Variants in SCN11A observed in about 807,000 individuals in gnomAD.
SCN11A encodes the protein sodium voltage-gated channel alpha subunit 11, also known as sodium channel protein type 11 subunit alpha.
Under a neutral mutation model 162.2 loss-of-function variants are expected in SCN11A, and 122 were observed. That is an observed-to-expected ratio of 0.75 (90% CI 0.65 to 0.87). SCN11A has a LOEUF of 0.87. Ranked by LOEUF, SCN11A falls within the 40% of genes least tolerant of loss-of-function variation. The probability of loss-of-function intolerance (pLI) is 0.00; values close to 1 mark genes in which losing one functional copy is unlikely to be tolerated. For missense variants in SCN11A, 2,015 were observed against 2,181.6 expected (o/e 0.92, Z 1.52); for synonymous variants, 758 against 751.5 (o/e 1.01, Z -0.14).
intron 2 of SCN11A, among the ~76,000 whole-genome samples, chr3:39,031,921 TAACC>T (rs1411472173): frequency 6.6e-6 from 1 of 152,180 alleles, no homozygotes; most frequent in African/African-American, 2.4e-5. Context: ...CATCCTGCTT[TAACC>T]AACTGATAGA....
chr3:39,023,432 A>G (rs1299977726), intron 2 of SCN11A, among the ~76,000 whole-genome samples: 1 of 151,928 alleles, frequency 6.6e-6, no homozygotes, highest in African/African-American at 2.4e-5. Context: ...TCCTTCCATG[A>G]CTTTTATATT....
intron 1 of SCN11A, among the ~76,000 whole-genome samples, chr3:39,039,730 T>C (rs1450038784): frequency 1.3e-5 from 2 of 152,002 alleles, no homozygotes; most frequent in African/African-American, 4.8e-5. Context: ...TCCCCTCCAG[T>C]GATGAGGCTG....
At position 39,025,939 on chromosome 3, in the gene SCN11A, A is replaced by AT. The variant is rs1452509185; in HGVS notation, c.-280+6440dup. Reference sequence around the variant, plus strand: ...TTCTTTTATACCTAATGCACTAAGTATTTTTATAACTAAAGCAGTATTTTT... The same window carrying AT: ...TTCTTTTATACCTAATGCACTAAGTATTTTTTATAACTAAAGCAGTATTTTT... On this transcript the variant is annotated intron_variant, in intron 2 of 29. Transcript: ENST00000302328. The AT allele has an allele frequency of 5.9e-5, 9 of 152,084 alleles. No homozygotes were observed. The East Asian group carries it at 1.5e-3, about 26-fold the overall frequency. 9.4% of individuals were successfully genotyped at this position (152,084 alleles called of 1,614,324 possible).
intron 1 of SCN11A, among the ~76,000 whole-genome samples, chr3:39,035,779 A>T (rs1382071468): frequency 6.6e-6 from 1 of 151,894 alleles, no homozygotes; most frequent in Admixed American, 6.6e-5. Context: ...AGCTGGGACT[A>T]CAGGCACCCG....
chr3:38,948,237 C>T (rs911439983), intron 5 of SCN11A, among the ~76,000 whole-genome samples: 1 of 152,318 alleles, frequency 6.6e-6, no homozygotes. Context: ...AGAAACAAAC[C>T]TCTCTTTGAG....
chr3:38,975,400 C>T (rs2066844275), intron 2 of SCN11A, among the ~76,000 whole-genome samples: 1 of 151,974 alleles, frequency 6.6e-6, no homozygotes. Context: ...ATGTCTAATT[C>T]GAGGGGTGAG....
chr3:38,887,461 A>G (rs2065421137), intron 19 of SCN11A, among the ~76,000 whole-genome samples: 2 of 147,850 alleles, frequency 1.4e-5, no homozygotes, highest in South Asian at 2.2e-4. Flanking sequence ...GGGGAGGGAT[A>G]GCATTAGGAG....
intron 2 of SCN11A, among the ~76,000 whole-genome samples, chr3:38,970,110 C>T (rs1208312470): frequency 6.6e-6 from 1 of 151,288 alleles, no homozygotes; most frequent in East Asian, 1.9e-4. Context: ...TAGATCTCAC[C>T]AGTGTTTCTG....
At chr3:38,901,622 C>G (rs1007925865) in intron 16 of SCN11A, among the ~76,000 whole-genome samples, 1 of 152,200 alleles carries the variant, frequency 6.6e-6, no homozygotes, top group Non-Finnish European at 1.5e-5. Flanking sequence ...CTGCAGAACT[C>G]TACAGAGTGG....
intron 9 of SCN11A, among the ~76,000 whole-genome samples, chr3:38,921,547 C>T (rs954645390): frequency 1.3e-5 from 2 of 152,184 alleles, no homozygotes; most frequent in Non-Finnish European, 2.9e-5. Context: ...TAGAAACATG[C>T]CACACGGACT....
chr3:38,872,172 C>A, intron 24 of SCN11A, 21 bp downstream of exon 24: 2 of 1,362,932 alleles, frequency 1.5e-6, no homozygotes, highest in African/African-American at 1.4e-5. Flanking sequence ...GAACTTCTAC[C>A]CATTCTTCTG....
chr3:38,973,655 C>T (rs1422017312), intron 2 of SCN11A, among the ~76,000 whole-genome samples: 1 of 152,040 alleles, frequency 6.6e-6, no homozygotes, highest in Non-Finnish European at 1.5e-5. Flanking sequence ...ATGATTTAAG[C>T]ACTCTAAAGA....
At chr3:38,984,746 G>A (rs1318733178) in intron 2 of SCN11A, among the ~76,000 whole-genome samples, 1 of 152,120 alleles carries the variant, frequency 6.6e-6, no homozygotes, top group Non-Finnish European at 1.5e-5. Context: ...CCTGCCCTCA[G>A]GTGATCCGCC....
chr3:38,894,935 G>A lies in SCN11A; in HGVS notation c.2433C>T (p.Leu811=). The change falls in exon 19 of 30, where the codon CTC becomes CTT. Residue 811 remains leucine (L), a synonymous_variant. Transcript: ENST00000302328. Reference sequence around the variant, plus strand: ...TTCTTTCCTCATTGCTAAAGGAATTGAGCAGTAAGGCAATGAAGAGGTTGA... The same window carrying A: ...TTCTTTCCTCATTGCTAAAGGAATTAAGCAGTAAGGCAATGAAGAGGTTGA... ...VVLNLFIALL[L]NSFSNEERNG... The A allele has an allele frequency of 6.2e-7, 1 of 1,612,842 alleles. No individual in the cohort carries two copies. The highest frequency in any genetic ancestry group is 8.5e-7 in the Non-Finnish European group (1 of 1,179,224).
chr3:38,996,564 T>C (rs2030637728), intron 2 of SCN11A, among the ~76,000 whole-genome samples: 1 of 152,140 alleles, frequency 6.6e-6, no homozygotes, highest in Admixed American at 6.5e-5. Flanking sequence ...AATGAATAAA[T>C]CAACATCAGC....
chr3:39,047,423 A>G (rs1249228865), intron 1 of SCN11A, among the ~76,000 whole-genome samples: 1 of 152,136 alleles, frequency 6.6e-6, no homozygotes, highest in Non-Finnish European at 1.5e-5. Context: ...CTATGAAACT[A>G]CTAAAAGATA....
chr3:38,961,699 C>G (rs1167399359), intron 2 of SCN11A, among the ~76,000 whole-genome samples: 6 of 152,154 alleles, frequency 3.9e-5, no homozygotes, highest in Non-Finnish European at 5.9e-5. Context: ...AATGTAGACT[C>G]TTTAAAAAAA....
At chr3:39,018,340 T>C (rs183708338) in intron 2 of SCN11A, among the ~76,000 whole-genome samples, 35 of 152,122 alleles carry the variant, frequency 2.3e-4, no homozygotes, top group African/African-American at 8.2e-4. Flanking sequence ...TCCTGAAAAC[T>C]CCGGGTGTTT....
At chr3:38,977,732 C>T (rs1160818178) in intron 2 of SCN11A, among the ~76,000 whole-genome samples, 2 of 152,204 alleles carry the variant, frequency 1.3e-5, no homozygotes, top group South Asian at 2.1e-4. Context: ...TCCCCTTCTG[C>T]GCTTAGCTTA....
Sources: allele counts gnomAD v4.1 joint callset (sites outside exome capture counted in the v4.1 genomes callset), GRCh38; gene constraint gnomAD v4.1.1; transcripts MANE v1.5; gene names NCBI Gene and HGNC (gene_info 2026-07-23, HGNC 2026-07-21).